Variants in TMEM132D observed in about 807,000 individuals in gnomAD.
The protein encoded by TMEM132D is transmembrane protein 132D, also known as mature OL transmembrane protein.
In TMEM132D, 21 loss-of-function variants were observed where a neutral mutation model predicts 62.3. The ratio of observed to expected loss-of-function variants is 0.34; its 90% confidence interval spans 0.24 to 0.49. The LOEUF is 0.49. Among genes scored for constraint, TMEM132D ranks in the 20% least tolerant of loss-of-function variants. The pLI is 0.99. For missense variants in TMEM132D, 1,346 were observed against 1,402.8 expected, an observed-to-expected ratio of 0.96 and a Z score of 0.65; for synonymous variants, 621 against 575.6, an observed-to-expected ratio of 1.08 and a Z score of -1.13.
intron 3 of TMEM132D, among the ~76,000 whole-genome samples, chr12:129,487,494 G>T (rs555508924): frequency 6.6e-6 from 1 of 152,134 alleles, no homozygotes; most frequent in Non-Finnish European, 1.5e-5. Context: ...GCATTCCCAC[G>T]CTTTGCTAGG....
At chr12:129,607,774 G>T (rs1175967338) in intron 2 of TMEM132D, among the ~76,000 whole-genome samples, 1 of 152,122 alleles carries the variant, frequency 6.6e-6, no homozygotes, top group African/African-American at 2.4e-5. Flanking sequence ...TCTGTGTTTT[G>T]GAGTACCTGT....
chr12:129,652,675 C>T (rs1879961486), intron 2 of TMEM132D, among the ~76,000 whole-genome samples: 1 of 152,124 alleles, frequency 6.6e-6, no homozygotes, highest in Admixed American at 6.5e-5. Context: ...CCTAGAGACT[C>T]CAGAAAAAAT....
chr12:129,661,966 T>A (rs1344887160), intron 2 of TMEM132D, among the ~76,000 whole-genome samples: 2 of 152,068 alleles, frequency 1.3e-5, no homozygotes, highest in African/African-American at 2.4e-5. Flanking sequence ...AACAGAAAAA[T>A]GATTAAGCCT....
intron 1 of TMEM132D, among the ~76,000 whole-genome samples, chr12:129,848,123 G>A (rs1873421735): frequency 6.6e-6 from 1 of 152,216 alleles, no homozygotes; most frequent in Admixed American, 6.5e-5. Context: ...TCTGGATGCT[G>A]AGCATTGTGA....
At chr12:129,832,080 G>A (rs1249026260) in intron 1 of TMEM132D, among the ~76,000 whole-genome samples, 1 of 134,616 alleles carries the variant, frequency 7.4e-6, no homozygotes, top group Non-Finnish European at 1.5e-5. Context: ...GTAGAGACGA[G>A]GTTTCACCAT....
At position 129,490,596 on chromosome 12, in the gene TMEM132D, A is replaced by ATTTTTTTTTTT. The variant is rs35535325; in HGVS notation, c.1115+40452_1115+40462dup. 5.9e-4 allele frequency among the ~76,000 whole-genome samples: 42 copies of ATTTTTTTTTTT among 71,112 alleles called. 3 individuals are homozygous for ATTTTTTTTTTT. The highest frequency in any genetic ancestry group is 1.9e-3 in the African/African-American group (24 of 12,332). The allele number at this position is 71,112 out of a possible 152,430, so 46.7% of individuals were successfully genotyped here. On this transcript the variant is annotated intron_variant, in intron 3 of 8. Transcript: ENST00000422113. ...GGCGCCCGCCCACCACGCCCGGCTA[A>ATTTTTTTTTTT]TTTTTTTTTTTTTTTTTTTTTTTTT...
chr12:129,718,392 C>T (rs1401573704), intron 1 of TMEM132D, among the ~76,000 whole-genome samples: 3 of 152,192 alleles, frequency 2.0e-5, no homozygotes, highest in Non-Finnish European at 4.4e-5. Context: ...AACGAGCTGA[C>T]GCCTAACAAA....
chr12:129,087,925 C>CG (rs144222251), intron 5 of TMEM132D, among the ~76,000 whole-genome samples: 853 of 37,142 alleles, frequency 0.023, 62 homozygotes, highest in African/African-American at 0.12. Flanking sequence ...CCTCCCTGAC[C>CG]GGGTGTCCTC....
At chr12:129,320,451 C>A (rs1868662322) in intron 4 of TMEM132D, among the ~76,000 whole-genome samples, 1 of 152,162 alleles carries the variant, frequency 6.6e-6, no homozygotes, top group African/African-American at 2.4e-5. Context: ...AATTTCCTAA[C>A]CCTTTTTAAG....
At chr12:129,897,508 G>A (rs947697401) in intron 1 of TMEM132D, among the ~76,000 whole-genome samples, 2 of 152,134 alleles carry the variant, frequency 1.3e-5, no homozygotes, top group East Asian at 3.9e-4. Context: ...CAGTCCACTG[G>A]GCATGTCTGC....
At chr12:129,535,499 A>C (rs770587791) in intron 2 of TMEM132D, among the ~76,000 whole-genome samples, 8 of 152,246 alleles carry the variant, frequency 5.3e-5, no homozygotes, top group Admixed American at 2.0e-4. Flanking sequence ...ATTTGAGTTC[A>C]TTATCCAAAG....
intron 3 of TMEM132D, among the ~76,000 whole-genome samples, chr12:129,356,921 A>AGAGGAGAGGAGAGGG (rs1870077189): frequency 1.1e-5 from 1 of 92,226 alleles, no homozygotes; most frequent in Non-Finnish European, 1.9e-5. Context: ...TAAGGAAAGG[A>AGAGGAGAGGAGAGGG]GAGGAGAGGA....
At chr12:129,816,348 A>C (rs767851689) in intron 1 of TMEM132D, among the ~76,000 whole-genome samples, 2 of 152,344 alleles carry the variant, frequency 1.3e-5, no homozygotes, top group Non-Finnish European at 2.9e-5. Flanking sequence ...AATTCTGGTG[A>C]AGTGGAACCG....
chr12:129,603,246 G>GTTACCATA (rs1322678343), intron 2 of TMEM132D, among the ~76,000 whole-genome samples: 10 of 152,276 alleles, frequency 6.6e-5, no homozygotes, highest in Non-Finnish European at 1.5e-4. Flanking sequence ...TGTACCCACT[G>GTTACCATA]TTACCATATC....
intron 3 of TMEM132D, among the ~76,000 whole-genome samples, chr12:129,351,974 G>A (rs1453342321): frequency 6.6e-6 from 1 of 152,130 alleles, no homozygotes; most frequent in African/African-American, 2.4e-5. Flanking sequence ...TACAGAAGAT[G>A]GATCCTCATC....
chr12:129,326,143 C>A (rs1868901123), intron 4 of TMEM132D, among the ~76,000 whole-genome samples: 1 of 152,202 alleles, frequency 6.6e-6, no homozygotes, highest in African/African-American at 2.4e-5. Context: ...CTTGGTTAAT[C>A]CCGTGGACAC....
intron 1 of TMEM132D, among the ~76,000 whole-genome samples, chr12:129,732,482 G>C (rs1224131759): frequency 6.6e-6 from 1 of 152,190 alleles, no homozygotes; most frequent in Non-Finnish European, 1.5e-5. Context: ...CGATGCCTCA[G>C]AGCTTGGTGC....
At chr12:129,764,950 A>G (rs1220617634) in intron 1 of TMEM132D, among the ~76,000 whole-genome samples, 2 of 152,066 alleles carry the variant, frequency 1.3e-5, no homozygotes, top group African/African-American at 4.8e-5. Context: ...CAAAAAGAAA[A>G]AGAAAACACC....
At chr12:129,168,065 AG>A (rs1282903668) in intron 5 of TMEM132D, among the ~76,000 whole-genome samples, 1 of 152,226 alleles carries the variant, frequency 6.6e-6, no homozygotes, top group African/African-American at 2.4e-5. Flanking sequence ...ATATTCACTG[AG>A]ATAAAATGAC....
Sources: gnomAD v4.1 joint callset for allele counts (sites outside exome capture counted in the v4.1 genomes callset) on GRCh38, gnomAD v4.1.1 for gene constraint, MANE v1.5 for transcripts, NCBI Gene and HGNC (gene_info 2026-07-23, HGNC 2026-07-21) for gene names.